The following MGST1 variants were observed in gnomAD, a reference collection of about 807,000 sequenced individuals.
MGST1 encodes microsomal glutathione S-transferase 1.
In MGST1, 5 loss-of-function variants were observed where a neutral mutation model predicts 8.9. That is an observed-to-expected ratio of 0.56 (90% confidence interval 0.29 to 1.19). The LOEUF (loss-of-function observed/expected upper bound fraction) is 1.19. MGST1 is among the 50% of genes most tolerant of loss of function. MGST1 has a pLI of 0.08. For synonymous variants in MGST1, 54 were observed against 67.8 expected, an observed-to-expected ratio of 0.80 and a Z score of 1.00; for missense variants, 182 against 187.4, an observed-to-expected ratio of 0.97 and a Z score of 0.17.
chr12:16,430,818 C>T (rs964639851), intron 1 of MGST1, among the ~76,000 whole-genome samples: 1 of 152,150 alleles, frequency 6.6e-6, no homozygotes. Context: ...CTGCATTAGC[C>T]TCTAACAAGA....
chr12:16,414,936 A>G (rs1224434365), intron 1 of MGST1, among the ~76,000 whole-genome samples: 2 of 152,060 alleles, frequency 1.3e-5, no homozygotes, highest in African/African-American at 4.8e-5. Flanking sequence ...AGGCATGAGA[A>G]TCACTTGAAC....
At chr12:16,479,380 G>T (rs1410741491) in intron 4 of MGST1, among the ~76,000 whole-genome samples, 2 of 151,012 alleles carry the variant, frequency 1.3e-5, no homozygotes, top group East Asian at 2.0e-4. Flanking sequence ...GACTACAGGT[G>T]CCCGCCACCA....
chr12:16,370,751 G>T (rs1190732083), intron 3 of MGST1, among the ~76,000 whole-genome samples: 1 of 152,078 alleles, frequency 6.6e-6, no homozygotes, highest in African/African-American at 2.4e-5. Flanking sequence ...CATTTAAAAT[G>T]AATACATTGA....
Position 16,544,910 on chromosome 12 carries a change from G to T in MGST1, n.483-44618G>T, listed in dbSNP as rs1163952089. ...TTTGGACAGCATAGCTAGTTCTTGT[G>T]CCCCAACCAAGGTTCATATCGTCAA... On this transcript the variant is annotated intron_variant and non_coding_transcript_variant, in intron 4 of 4. Coordinates refer to the MGST1 transcript ENST00000538857. The surrounding 1 kb of genome is among the most constrained non-coding windows in gnomAD (Gnocchi z 4.8). Among the ~76,000 whole-genome samples, 1 of 151,984 alleles carries T rather than the reference G, an allele frequency of 6.6e-6. No homozygotes were observed. The highest frequency in any genetic ancestry group is 1.5e-5 in the Non-Finnish European group (1 of 67,940).
chr12:16,370,434 T>G (rs190365115), intron 3 of MGST1: 52 of 152,294 alleles, frequency 3.4e-4, no homozygotes, highest in African/African-American at 1.3e-3. Context: ...ATTCACATAT[T>G]AAATGTAGAC....
chr12:16,378,063 T>C (rs1312131024), downstream of MGST1, among the ~76,000 whole-genome samples: 3 of 152,068 alleles, frequency 2.0e-5, no homozygotes, highest in South Asian at 4.2e-4. Flanking sequence ...GTCAGATGAG[T>C]AGGTTGCAAA....
Position 16,560,601 on chromosome 12 carries a change from A to G in MGST1, n.483-28927A>G, listed in dbSNP as rs535443745. ...TACAGAGAAATCTGAGATCGTGAAG[A>G]GAGATGATGTTAATATACTCTGTAA... is the stretch of plus-strand genomic sequence containing the variant. On this transcript the variant is annotated intron_variant and non_coding_transcript_variant, in intron 4 of 4. Coordinates refer to the MGST1 transcript ENST00000538857. This position sits in a 1 kb window ranked among gnomAD's most constrained non-coding sequence, Gnocchi z 5.0. The G allele has an allele frequency of 1.0e-4, 151 of 1,454,598 alleles. 2 individuals carry two copies. In the South Asian group the frequency reaches 1.7e-3, roughly 16 times the overall value. 90.1% of individuals were successfully genotyped at this position (1,454,598 alleles called of 1,614,324 possible).
intron 4 of MGST1, among the ~76,000 whole-genome samples, chr12:16,580,489 T>C (rs1943125778): frequency 6.6e-6 from 1 of 152,208 alleles, no homozygotes; most frequent in African/African-American, 2.4e-5. Context: ...AGATGTAAAG[T>C]GAAATCTTGG....
intron 1 of MGST1, among the ~76,000 whole-genome samples, chr12:16,385,093 G>T (rs1041483064): frequency 2.6e-5 from 4 of 152,200 alleles, no homozygotes; most frequent in Non-Finnish European, 5.9e-5. Context: ...TGCTAGAATG[G>T]ATTTAGATAG....
chr12:16,564,346 G>T (rs567749394), intron 4 of MGST1, among the ~76,000 whole-genome samples: 55 of 152,294 alleles, frequency 3.6e-4, no homozygotes, highest in Non-Finnish European at 4.4e-4. Context: ...TTTTAAAGGT[G>T]CCAGAACATT....
chr12:16,388,917 A>C (rs970026540), intron 1 of MGST1, among the ~76,000 whole-genome samples: 1 of 152,210 alleles, frequency 6.6e-6, no homozygotes, highest in Non-Finnish European at 1.5e-5. Context: ...TCCACTGAGC[A>C]ACTACACTGA....
At position 16,515,130 on chromosome 12, in the gene MGST1, A is replaced by G. The variant is rs866355043; in HGVS notation, n.483-74398A>G. ...CCTCTCATCATGGAGCAACCTTATC[A>G]ACAGACCATATTGCAGAAATTTATG... On this transcript the variant is annotated intron_variant and non_coding_transcript_variant, in intron 4 of 4. Transcript: ENST00000538857. Among the ~76,000 whole-genome samples, 79 of 152,328 alleles carry G rather than the reference A, an allele frequency of 5.2e-4. 1 individual carries two copies. Among genetic ancestry groups the G allele is most frequent in the Middle Eastern group, 3.4e-3 (1 of 292 alleles).
At chr12:16,350,928 C>T (rs1345964465) in intron 1 of MGST1, 1 of 152,060 alleles carries the variant, frequency 6.6e-6, no homozygotes, top group Non-Finnish European at 1.5e-5. Context: ...AAAGAAAAGG[C>T]CTCCCATTGC....
Position 16,582,289 on chromosome 12 carries a change from G to T in MGST1, n.483-7239G>T, listed in dbSNP as rs1943185835. Among the ~76,000 whole-genome samples the T allele has an allele frequency of 6.6e-6, 1 of 152,150 alleles. No individual in the cohort carries two copies. Among genetic ancestry groups the T allele is most frequent in the Admixed American group, 6.5e-5 (1 of 15,272 alleles). The stretch of plus-strand genomic sequence containing the variant: ...AATACAATGAATTAGATTGAGATAT[G>T]TCCTGGTGTTCATTCTCTGAATTCT... On this transcript the variant is annotated intron_variant and non_coding_transcript_variant, in intron 4 of 4. Coordinates refer to the MGST1 transcript ENST00000538857. The surrounding 1 kb of genome is among the most constrained non-coding windows in gnomAD (Gnocchi z 4.1).
intron 1 of MGST1, among the ~76,000 whole-genome samples, chr12:16,416,145 C>T (rs1057243844): frequency 2.0e-5 from 3 of 151,966 alleles, no homozygotes; most frequent in African/African-American, 7.3e-5. Flanking sequence ...AAAATGAGAC[C>T]ATGAGGAAAA....
intron 4 of MGST1, among the ~76,000 whole-genome samples, chr12:16,523,636 A>G (rs1179135767): frequency 2.6e-5 from 4 of 152,072 alleles, no homozygotes; most frequent in Admixed American, 1.3e-4. Flanking sequence ...TGCTATTCCA[A>G]TATCTCTAAA....
At position 16,479,983 on chromosome 12, in the gene MGST1, A is replaced by G. The variant is rs540355710; in HGVS notation, n.482+96379A>G. ...GGAGTCAAGAAATGGATCATAAAGT[A>G]AATATGAGTTAAAACCATAACACTT... On this transcript the variant is annotated intron_variant and non_coding_transcript_variant, in intron 4 of 4. Transcript: ENST00000538857. Among the ~76,000 whole-genome samples, 9 of 152,350 alleles carry G rather than the reference A, an allele frequency of 5.9e-5. No homozygotes were observed. The East Asian group carries it at 1.5e-3, about 26-fold the overall frequency.
At chr12:16,379,533 G>A (rs1447529610), downstream of MGST1, among the ~76,000 whole-genome samples, 1 of 152,182 alleles carries the variant, frequency 6.6e-6, no homozygotes, top group African/African-American at 2.4e-5. Context: ...TTGATGTGCT[G>A]CTGGATTCTG....
At chr12:16,564,606 A>G (rs557499595) in intron 4 of MGST1, among the ~76,000 whole-genome samples, 3 of 152,314 alleles carry the variant, frequency 2.0e-5, no homozygotes, top group African/African-American at 7.2e-5. Context: ...TTTTTTAACC[A>G]GGTCAGTGGC....
Sources: gnomAD v4.1 joint callset for allele counts (sites outside exome capture counted in the v4.1 genomes callset) on GRCh38, gnomAD v4.1.1 for gene constraint, Gnocchi (gnomAD v3.1) non-coding constraint, MANE v1.5 for transcripts, NCBI Gene and HGNC (gene_info 2026-07-23, HGNC 2026-07-21) for gene names.